The following DPP10 variants were observed in gnomAD, a reference collection of about 807,000 sequenced individuals.
The protein encoded by DPP10 is dipeptidyl peptidase like 10.
DPP10 carries 33 observed loss-of-function variants against 120.9 expected under a neutral mutation model. The observed-to-expected ratio is 0.27, with a 90% CI of 0.21 to 0.37. The LOEUF is 0.37. Among genes scored for constraint, DPP10 ranks in the 10% least tolerant of loss-of-function variants. DPP10 has a pLI of 1.00. For missense variants in DPP10, 816 were observed against 942.8 expected (o/e 0.87, Z 1.76); for synonymous variants, 337 against 326.1 (o/e 1.03, Z -0.36).
intron 1 of DPP10, among the ~76,000 whole-genome samples, chr2:114,930,630 G>T (rs543267350): frequency 1.3e-5 from 2 of 152,194 alleles, no homozygotes; most frequent in East Asian, 3.9e-4. Context: ...TAGTTCATTT[G>T]TGTTTCTATA....
chr2:114,716,109 G>A (rs1701331058), intron 1 of DPP10, among the ~76,000 whole-genome samples: 1 of 150,994 alleles, frequency 6.6e-6, no homozygotes, highest in Non-Finnish European at 1.5e-5. Context: ...CAATCAGCTG[G>A]CCTCCCAAAT....
intron 1 of DPP10, among the ~76,000 whole-genome samples, chr2:115,057,694 A>G (rs1706040559): frequency 6.6e-6 from 1 of 152,224 alleles, no homozygotes. Context: ...TATTCACTTT[A>G]TGACTTCAAA....
At position 115,777,198 on chromosome 2, in the gene DPP10, T is replaced by C; in HGVS notation, c.1222-10T>C. On this transcript the variant is annotated splice_polypyrimidine_tract_variant and intron_variant, in intron 13 of 25. Transcript: ENST00000410059. The stretch of plus-strand genomic sequence containing the variant: ...TGAAAGGAAAATCAATATTTTCTAT[T>C]TCTTTGCAGAGTAAAAGTGAGCAAA... 3 of 1,611,422 alleles carry C rather than the reference T, an allele frequency of 1.9e-6. No individual in the cohort carries two copies. Among genetic ancestry groups the C allele is most frequent in the Non-Finnish European group, 2.5e-6 (3 of 1,178,190 alleles).
At chr2:115,765,001 T>C (rs960780331) in intron 12 of DPP10, among the ~76,000 whole-genome samples, 4 of 152,116 alleles carry the variant, frequency 2.6e-5, no homozygotes, top group African/African-American at 9.7e-5. Context: ...GTCAAGGGAA[T>C]AGAGTCCAAT....
intron 19 of DPP10, among the ~76,000 whole-genome samples, chr2:115,803,759 C>G (rs1053319011): frequency 3.3e-5 from 5 of 152,106 alleles, no homozygotes; most frequent in African/African-American, 9.7e-5. Context: ...AATATTGGCC[C>G]CCACTATCTT....
chr2:114,663,553 A>G (rs1469330286), intron 1 of DPP10, among the ~76,000 whole-genome samples: 1 of 149,916 alleles, frequency 6.7e-6, no homozygotes, highest in Admixed American at 6.7e-5. Flanking sequence ...TATTTAGGAC[A>G]AGTCCCTGTC....
chr2:114,845,918 C>A (rs954700463), intron 1 of DPP10, among the ~76,000 whole-genome samples: 11 of 151,994 alleles, frequency 7.2e-5, no homozygotes, highest in African/African-American at 2.7e-4. Context: ...AAGAATAGAC[C>A]ATAAGGAGCT....
intron 7 of DPP10, among the ~76,000 whole-genome samples, chr2:115,698,059 A>G (rs2091691182): frequency 6.6e-6 from 1 of 152,170 alleles, no homozygotes; most frequent in African/African-American, 2.4e-5. Context: ...TCAACCTAAC[A>G]ACAGCGTACA....
In DPP10 at chr2:114,485,308, G is replaced by A. The variant is rs1348243908; in HGVS notation, c.60+42470G>A. 2.0e-5 allele frequency among the ~76,000 whole-genome samples: 3 copies of A among 152,154 alleles called. No homozygotes were observed. In the East Asian group the frequency reaches 5.8e-4, roughly 29 times the overall value. The stretch of plus-strand genomic sequence containing the variant: ...GCTCCCACTGGGCACTGGCAGAGCG[G>A]TGGGTTTTGTAAGGTGGGGACAAAG... On this transcript the variant is annotated intron_variant, in intron 1 of 25. Transcript: ENST00000410059.
At chr2:114,584,768 C>G (rs1422671298) in intron 1 of DPP10, among the ~76,000 whole-genome samples, 1 of 151,884 alleles carries the variant, frequency 6.6e-6, no homozygotes, top group African/African-American at 2.4e-5. Flanking sequence ...AGGCTTTAGA[C>G]TTTATTGTTA....
intron 2 of DPP10, among the ~76,000 whole-genome samples, chr2:115,336,565 C>A (rs1004616388): frequency 7.8e-5 from 5 of 63,908 alleles, no homozygotes; most frequent in Non-Finnish European, 2.5e-4. Flanking sequence ...TGTACTCTCT[C>A]TCTCTCTCTC....
chr2:115,038,302 G>A (rs964995730), intron 1 of DPP10, among the ~76,000 whole-genome samples: 2 of 150,716 alleles, frequency 1.3e-5, no homozygotes, highest in Non-Finnish European at 2.9e-5. Context: ...ATGGAGTCTC[G>A]CTCTGTTGCC....
intron 5 of DPP10, among the ~76,000 whole-genome samples, chr2:115,665,509 A>G (rs962428548): frequency 3.3e-5 from 5 of 152,216 alleles, no homozygotes; most frequent in Non-Finnish European, 5.9e-5. Context: ...CATTTCCAAA[A>G]TTGAATCTTA....
intron 2 of DPP10, among the ~76,000 whole-genome samples, chr2:115,338,797 G>A (rs1009802827): frequency 1.3e-5 from 2 of 152,102 alleles, no homozygotes; most frequent in Admixed American, 6.6e-5. Flanking sequence ...TATACAAAAA[G>A]TAACTCAAAA....
At chr2:115,618,039 A>C (rs1453383502) in intron 5 of DPP10, among the ~76,000 whole-genome samples, 1 of 152,192 alleles carries the variant, frequency 6.6e-6, no homozygotes, top group Non-Finnish European at 1.5e-5. Context: ...TGCTTTGGGC[A>C]TTGTGACATA....
chr2:115,602,495 C>G (rs1254600137), intron 5 of DPP10, among the ~76,000 whole-genome samples: 1 of 152,114 alleles, frequency 6.6e-6, no homozygotes, highest in African/African-American at 2.4e-5. Context: ...CATTCAAAAG[C>G]ATCTTTTAAA....
intron 1 of DPP10, among the ~76,000 whole-genome samples, chr2:114,867,598 G>A (rs760634264): frequency 9.2e-5 from 14 of 152,158 alleles, no homozygotes; most frequent in Non-Finnish European, 1.2e-4. Context: ...GAGCCTTGGC[G>A]TCTGTCTTAA....
At chr2:115,586,935 A>T (rs955628319) in intron 5 of DPP10, among the ~76,000 whole-genome samples, 1 of 152,064 alleles carries the variant, frequency 6.6e-6, no homozygotes, top group Non-Finnish European at 1.5e-5. Flanking sequence ...TGATGATTTG[A>T]TATACATATG....
intron 2 of DPP10, among the ~76,000 whole-genome samples, chr2:115,341,053 A>G (rs968272843): frequency 2.6e-5 from 4 of 152,116 alleles, no homozygotes; most frequent in African/African-American, 9.7e-5. Context: ...TAGAATAAAT[A>G]TATTTCTGAA....
Sources: gnomAD v4.1 joint callset for allele counts (sites outside exome capture counted in the v4.1 genomes callset) on GRCh38, gnomAD v4.1.1 for gene constraint, MANE v1.5 for transcripts, NCBI Gene and HGNC (gene_info 2026-07-23, HGNC 2026-07-21) for gene names.